The following RARB variants were observed in gnomAD, a reference collection of about 807,000 sequenced individuals.
The protein encoded by RARB is HBV-activated protein.
A neutral mutation model predicts 51.9 loss-of-function variants in RARB; 17 were observed. The ratio of observed to expected loss-of-function variants is 0.33; its 90% confidence interval spans 0.22 to 0.49. RARB has a LOEUF of 0.49. Ranked by LOEUF, RARB falls within the 20% of genes least tolerant of loss-of-function variation. RARB has a pLI of 0.99. For missense variants in RARB, 369 were observed against 550.8 expected, an observed-to-expected ratio of 0.67 and a Z score of 3.30; for synonymous variants, 215 against 195.4, an observed-to-expected ratio of 1.10 and a Z score of -0.84.
intron 5 of RARB, among the ~76,000 whole-genome samples, chr3:25,353,558 T>C (rs962017708): frequency 6.7e-6 from 1 of 148,620 alleles, no homozygotes; most frequent in Non-Finnish European, 1.5e-5. Context: ...AAGATTGATA[T>C]CTTTTGTGGG....
At chr3:25,117,679 T>A in intron 3 of RARB, among the ~76,000 whole-genome samples, 1 of 152,088 alleles carries the variant, frequency 6.6e-6, no homozygotes, top group East Asian at 1.9e-4. Context: ...AAGATATAAG[T>A]TGCTGAATTT....
intron 3 of RARB, among the ~76,000 whole-genome samples, chr3:25,079,970 G>C (rs1698959621): frequency 6.6e-6 from 1 of 152,060 alleles, no homozygotes; most frequent in Non-Finnish European, 1.5e-5. Flanking sequence ...TTTGTCATTT[G>C]TCTGTTTTTA....
intron 5 of RARB, among the ~76,000 whole-genome samples, chr3:25,206,501 A>G (rs907696942): frequency 2.6e-5 from 4 of 152,186 alleles, no homozygotes; most frequent in African/African-American, 9.7e-5. Flanking sequence ...ACTCAGATCT[A>G]CTAAGTATGT....
chr3:25,045,908 T>A (rs921686840), intron 2 of RARB, among the ~76,000 whole-genome samples: 4 of 152,254 alleles, frequency 2.6e-5, no homozygotes, highest in African/African-American at 9.6e-5. Context: ...CAACATGACT[T>A]AGTATTTTAT....
At chr3:24,831,620 AT>A (rs1334042668) in intron 1 of RARB, among the ~76,000 whole-genome samples, 1 of 152,178 alleles carries the variant, frequency 6.6e-6, no homozygotes, top group East Asian at 1.9e-4. Context: ...ACAAAAAAAA[AT>A]ACATGATGCT....
chr3:24,917,781 C>T (rs60998309), intron 2 of RARB, among the ~76,000 whole-genome samples: 4 of 152,264 alleles, frequency 2.6e-5, no homozygotes, highest in South Asian at 2.1e-4. Context: ...CCTCCTTCGG[C>T]GTCCTAAAGT....
intron 2 of RARB, among the ~76,000 whole-genome samples, chr3:24,907,749 G>A (rs1206900039): frequency 1.3e-5 from 2 of 151,984 alleles, no homozygotes; most frequent in Non-Finnish European, 2.9e-5. Flanking sequence ...GATTTAATAA[G>A]TAAATATCTA....
At chr3:25,391,923 T>C (rs999553958) in intron 5 of RARB, among the ~76,000 whole-genome samples, 3 of 152,228 alleles carry the variant, frequency 2.0e-5, no homozygotes, top group Middle Eastern at 3.2e-3. Flanking sequence ...TCTTTGTTTT[T>C]ATTGCATTTG....
intron 2 of RARB, among the ~76,000 whole-genome samples, chr3:24,889,466 G>A (rs77679287): frequency 0.016 from 2,402 of 152,194 alleles, 30 homozygotes; most frequent in Non-Finnish European, 0.027. Context: ...CATCATCTCA[G>A]AAAATAGCAA....
intron 2 of RARB, among the ~76,000 whole-genome samples, chr3:25,461,705 C>G (rs1288039242): frequency 6.6e-6 from 1 of 152,134 alleles, no homozygotes; most frequent in African/African-American, 2.4e-5. Flanking sequence ...GCCCGCCTGA[C>G]CAACATGGCA....
At chr3:25,480,669 A>C (rs1047761887) in intron 2 of RARB, among the ~76,000 whole-genome samples, 1 of 152,160 alleles carries the variant, frequency 6.6e-6, no homozygotes, top group Non-Finnish European at 1.5e-5. Context: ...CAGCCCATTG[A>C]GAAGTTGTTA....
intron 5 of RARB, among the ~76,000 whole-genome samples, chr3:25,228,090 A>G (rs1702094522): frequency 6.6e-6 from 1 of 151,996 alleles, no homozygotes; most frequent in Non-Finnish European, 1.5e-5. Context: ...AAGTTCAAAA[A>G]CTTCACCAGA....
chr3:25,174,268 A>G (rs984468182), exon 5 of RARB: 2 of 693,248 alleles, frequency 2.9e-6, no homozygotes, highest in African/African-American at 1.8e-5. Context: ...CAGTTGAACC[A>G]TCTTGACTTT....
intron 2 of RARB, among the ~76,000 whole-genome samples, chr3:24,924,928 G>A (rs12636772): frequency 0.22 from 33,272 of 152,014 alleles, 3,898 homozygotes; most frequent in East Asian, 0.33. Context: ...GGCACATAGA[G>A]GATGGTGAAT....
intron 2 of RARB, among the ~76,000 whole-genome samples, chr3:24,876,525 T>C (rs1703045334): frequency 6.6e-6 from 1 of 152,116 alleles, no homozygotes; most frequent in Non-Finnish European, 1.5e-5. Context: ...TTTAATAAAG[T>C]CTGAAATGTC....
intron 3 of RARB, among the ~76,000 whole-genome samples, chr3:25,101,903 C>T (rs780353154): frequency 7.2e-5 from 11 of 151,966 alleles, no homozygotes; most frequent in Admixed American, 4.6e-4. Context: ...AAACTTGTGT[C>T]TCTTTGTTTT....
intron 5 of RARB, among the ~76,000 whole-genome samples, chr3:25,205,985 A>C (rs982977882): frequency 1.4e-4 from 21 of 152,170 alleles, no homozygotes; most frequent in Non-Finnish European, 2.8e-4. Context: ...ACTGTAGTCT[A>C]AGTGTTCCAA....
chr3:25,260,060 C>A, intron 5 of RARB: 1 of 932,932 alleles, frequency 1.1e-6, no homozygotes, highest in South Asian at 4.9e-5. Context: ...TCGTGTGTGG[C>A]TGGTTTTCTT....
chr3:25,116,392 C>T (rs973132731), intron 3 of RARB, among the ~76,000 whole-genome samples: 3 of 151,450 alleles, frequency 2.0e-5, no homozygotes, highest in Non-Finnish European at 4.4e-5. Flanking sequence ...CCTAAGTAAT[C>T]CCCATCTTTA....
Sources: allele counts gnomAD v4.1 joint callset (sites outside exome capture counted in the v4.1 genomes callset), GRCh38; gene constraint gnomAD v4.1.1; transcripts MANE v1.5; gene names NCBI Gene and HGNC (gene_info 2026-07-23, HGNC 2026-07-21).